Variants in LAMA1 observed in about 807,000 individuals in gnomAD.
The protein encoded by LAMA1 is laminin subunit alpha-1.
LAMA1 carries 219 observed loss-of-function variants against 348.7 expected under a neutral mutation model. That is an observed-to-expected ratio of 0.63 (90% confidence interval 0.56 to 0.70). LAMA1 has a LOEUF of 0.70. LAMA1 is among the 30% of genes least tolerant of loss of function. LAMA1 has a pLI of 0.00. For synonymous variants in LAMA1, 1,487 were observed against 1,491.0 expected (o/e 1.00, Z 0.06); for missense variants, 3,744 against 3,888.0 (o/e 0.96, Z 0.99).
intron 10 of LAMA1, among the ~76,000 whole-genome samples, chr18:7,039,792 G>A (rs1488829007): frequency 6.6e-6 from 1 of 152,168 alleles, no homozygotes; most frequent in Non-Finnish European, 1.5e-5. Context: ...GAGGAGGTGG[G>A]AATATAAAGG....
chr18:6,956,613 A>C, intron 56 of LAMA1, 23 bp downstream of exon 56: 1 of 1,613,828 alleles, frequency 6.2e-7, no homozygotes, highest in African/African-American at 1.3e-5. Context: ...GACCTGACTG[A>C]TAGTAAAGGA....
At chr18:7,089,515 G>A (rs2143798835) in intron 1 of LAMA1, among the ~76,000 whole-genome samples, 1 of 152,328 alleles carries the variant, frequency 6.6e-6, no homozygotes, top group South Asian at 2.1e-4. Context: ...GGAGGCCCAT[G>A]ACCTCTCACC....
rs1426573211 is a variant in LAMA1 at position 6,943,261 on chromosome 18, T to A, written c.8986A>T (p.Asn2996Tyr). ...KHRITLIVDG[N>Y]AVGAESPHTQ... ...TGTGGACTTTCAGCGCCAACTGCGT[T>A]CCCGTCAACAATCAGAGTGATACGG... is the stretch of plus-strand genomic sequence containing the variant. Residue 2996 changes from asparagine to tyrosine, a missense_variant, in exon 62 of 63, where the codon AAC (asparagine) becomes TAC (tyrosine). Around this residue, in one of 3 missense-constraint regions of LAMA1, gnomAD observed 232 missense variants for 264.4 expected, o/e 0.88. Coordinates refer to ENST00000389658, the MANE Select transcript of LAMA1 (RefSeq NM_005559.4). 1 of 1,614,204 alleles carries A rather than the reference T, an allele frequency of 6.2e-7. No individual in the cohort carries two copies. The highest frequency in any genetic ancestry group is 2.2e-5 in the East Asian group (1 of 44,872).
At chr18:7,007,999 C>T (rs993203655) in intron 28 of LAMA1, among the ~76,000 whole-genome samples, 1 of 152,054 alleles carries the variant, frequency 6.6e-6, no homozygotes, top group African/African-American at 2.4e-5. Context: ...ATGGCACGAT[C>T]TCGGCTCACT....
chr18:7,001,739 T>G (rs1413223198), intron 30 of LAMA1, among the ~76,000 whole-genome samples: 1 of 152,216 alleles, frequency 6.6e-6, no homozygotes, highest in African/African-American at 2.4e-5. Flanking sequence ...ATATTCTAAT[T>G]CCCACTTAAA....
chr18:7,051,710 AT>A (rs1444435279), intron 3 of LAMA1, among the ~76,000 whole-genome samples: 1 of 152,212 alleles, frequency 6.6e-6, no homozygotes, highest in Non-Finnish European at 1.5e-5. Context: ...CACATCTAAA[AT>A]TGAGAAAAAA....
At chr18:7,070,550 G>A (rs1451112739) in intron 3 of LAMA1, among the ~76,000 whole-genome samples, 2 of 151,984 alleles carry the variant, frequency 1.3e-5, no homozygotes, top group Admixed American at 6.5e-5. Flanking sequence ...TCAGAAATTT[G>A]GGGGAAAAAA....
chr18:6,974,338 C>G (rs1353983468), intron 46 of LAMA1, among the ~76,000 whole-genome samples: 1 of 151,910 alleles, frequency 6.6e-6, no homozygotes, highest in Non-Finnish European at 1.5e-5. Context: ...AATGATTAAC[C>G]ATCAATGTGT....
chr18:6,949,232 C>T lies in LAMA1; in HGVS notation c.8425G>A (p.Gly2809Ser), dbSNP rs766181410. 1 of 1,614,178 alleles carries T rather than the reference C, an allele frequency of 6.2e-7. No homozygotes were observed. Among genetic ancestry groups the T allele is most frequent in the Admixed American group, 1.7e-5 (1 of 60,024 alleles). Residue 2809 changes from glycine (G) to serine (S), a missense_variant, in exon 59 of 63, where the codon GGC (glycine) becomes AGC (serine). Gly to Ser is a moderately conservative substitution (Grantham distance 56). This residue lies in a region of LAMA1 where 1,983 missense variants were observed against 1,934.3 expected (regional missense o/e 1.03). Transcript: ENST00000389658. ...TCTCGGCCGTCGACAGTTATGAAGC[C>T]TTTTCTTTTAACATAGTCTGTCTTG... ...TVKTDYVKRK[G>S]FITVDGRESP...
At chr18:6,961,497 A>G in intron 53 of LAMA1, 89 bp downstream of exon 53, 1 of 1,484,344 alleles carries the variant, frequency 6.7e-7, no homozygotes, top group Middle Eastern at 2.4e-4. Flanking sequence ...CACGGTGACA[A>G]TAAATGTTTA....
At chr18:6,953,640 C>T (rs1321305741) in intron 57 of LAMA1, 3 of 152,230 alleles carry the variant, frequency 2.0e-5, no homozygotes, top group South Asian at 2.1e-4. Context: ...GCAGATGCCT[C>T]AGGCTCCCTA....
At chr18:6,998,966 G>C (rs570546036) in intron 32 of LAMA1, among the ~76,000 whole-genome samples, 2 of 152,170 alleles carry the variant, frequency 1.3e-5, no homozygotes, top group African/African-American at 4.8e-5. Flanking sequence ...CCAGGAGGCG[G>C]AGGTTGCAAT....
intron 14 of LAMA1, among the ~76,000 whole-genome samples, chr18:7,034,200 C>T (rs1451161341): frequency 2.0e-5 from 3 of 152,320 alleles, no homozygotes; most frequent in Admixed American, 1.3e-4. Flanking sequence ...TCCAGACAAT[C>T]GCTAACTCAT....
At chr18:7,024,130 C>T (rs909667831) in intron 18 of LAMA1, among the ~76,000 whole-genome samples, 2 of 152,140 alleles carry the variant, frequency 1.3e-5, no homozygotes, top group Admixed American at 6.6e-5. Flanking sequence ...ATGTGTGGGC[C>T]ACCAAACCCG....
At chr18:6,999,698 G>T in intron 31 of LAMA1, 60 bp from the exon 32 acceptor site, 2 of 1,397,138 alleles carry the variant, frequency 1.4e-6, no homozygotes, top group South Asian at 1.2e-5. Flanking sequence ...TCTAACTTGC[G>T]ACAGTAATCA....
In LAMA1 at chr18:7,011,307, C is replaced by T. The variant is rs761583943; in HGVS notation, c.3680G>A (p.Gly1227Glu). The change falls in exon 25 of 63, where the codon GGA (glycine) becomes GAA (glutamate). Residue 1227 changes from glycine to glutamate, a missense_variant. Physicochemically the swap from Gly to Glu is moderately conservative, Grantham distance 98. Coordinates refer to ENST00000389658, the MANE Select transcript of LAMA1 (RefSeq NM_005559.4). ...GCTGGGCGTGCACCTCACCTGGTCTCCTTGGAACTGCTGCGGCAGCCGCCA... is the reference window on the plus strand; with the variant it reads ...GCTGGGCGTGCACCTCACCTGGTCTTCTTGGAACTGCTGCGGCAGCCGCCA... ...FYWRLPQQFQ[G>E]DQLMAYGGKL... 56 of 1,610,452 alleles carry T rather than the reference C, an allele frequency of 3.5e-5. No individual in the cohort carries two copies. Among genetic ancestry groups the T allele is most frequent in the African/African-American group, 2.7e-5 (2 of 74,846 alleles).
intron 24 of LAMA1, 50 bp from the exon 25 acceptor site, chr18:7,011,529 C>T: frequency 6.6e-7 from 1 of 1,507,384 alleles, no homozygotes; most frequent in Non-Finnish European, 9.1e-7. Context: ...GAACTTTCCA[C>T]TCCAGTTTCA....
Position 6,997,663 on chromosome 18 carries a change from G to C in LAMA1, c.4806+79C>G, listed in dbSNP as rs777561508. ...TCTCACAATGTGGGGAGGACACATG[G>C]AATGACTCCCACCATTCCCAATGAC... On this transcript the variant is annotated intron_variant, in intron 33 of 62. Transcript: ENST00000389658. The C allele has an allele frequency of 5.4e-4, 804 of 1,486,156 alleles. 1 individual carries two copies. Among genetic ancestry groups the C allele is most frequent in the Non-Finnish European group, 7.3e-4 (774 of 1,067,274 alleles). 92.1% of individuals were successfully genotyped at this position (1,486,156 alleles called of 1,614,324 possible). A position where few individuals can be genotyped will look rare whatever the true frequency, so the allele number is the denominator to read the frequency against.
At chr18:7,035,315 C>T (rs985248168) in intron 13 of LAMA1, among the ~76,000 whole-genome samples, 3 of 151,986 alleles carry the variant, frequency 2.0e-5, no homozygotes, top group Non-Finnish European at 4.4e-5. Context: ...GTCCTCAGAC[C>T]GCCAAGTACT....
Sources: gnomAD v4.1 joint callset for allele counts (sites outside exome capture counted in the v4.1 genomes callset) on GRCh38, gnomAD v4.1.1 for gene constraint, gnomAD v4.1.1 regional missense constraint, MANE v1.5 for transcripts, NCBI Gene and HGNC (gene_info 2026-07-23, HGNC 2026-07-21) for gene names.